CTNNA3: variants seen among roughly 807,000 people sequenced by gnomAD.
CTNNA3 encodes catenin alpha 3.
In CTNNA3, 76 loss-of-function variants were observed where a neutral mutation model predicts 95.7. That is an observed-to-expected ratio of 0.79 (90% confidence interval 0.66 to 0.96). CTNNA3 has a LOEUF of 0.96. CTNNA3 is among the 40% of genes least tolerant of loss of function. The pLI, the probability that CTNNA3 is intolerant of heterozygous loss-of-function variation, is 0.00. For missense variants in CTNNA3, 1,191 were observed against 1,089.8 expected, an observed-to-expected ratio of 1.09 and a Z score of -1.31; for synonymous variants, 431 against 374.4, an observed-to-expected ratio of 1.15 and a Z score of -1.74.
At chr10:67,552,609 C>T (rs1841073084) in intron 3 of CTNNA3, among the ~76,000 whole-genome samples, 1 of 151,852 alleles carries the variant, frequency 6.6e-6, no homozygotes, top group African/African-American at 2.4e-5. Flanking sequence ...ATAGATCATC[C>T]CATCACCTAA....
intron 10 of CTNNA3, among the ~76,000 whole-genome samples, chr10:66,585,356 C>T (rs1466991539): frequency 6.6e-6 from 1 of 151,970 alleles, no homozygotes; most frequent in Non-Finnish European, 1.5e-5. Context: ...ATATAATCCA[C>T]ATATTTCTTG....
At position 67,306,393 on chromosome 10, in the gene CTNNA3, A is replaced by G. The variant is rs148188521; in HGVS notation, c.580-86523T>C. Among the ~76,000 whole-genome samples the G allele has an allele frequency of 2.9e-3, 442 of 152,338 alleles. 1 individual carries two copies. The highest frequency in any genetic ancestry group is 5.3e-3 in the Non-Finnish European group (359 of 68,022). On this transcript the variant is annotated intron_variant, in intron 5 of 17. Coordinates refer to ENST00000433211, the MANE Select transcript of CTNNA3 (RefSeq NM_013266.4). Reference sequence around the variant, plus strand: ...TCCCAAAAGCATGAACAATATTCCAATAAAGTTATGCAAGTTGCAAGATAG... The same window carrying G: ...TCCCAAAAGCATGAACAATATTCCAGTAAAGTTATGCAAGTTGCAAGATAG...
intron 11 of CTNNA3, among the ~76,000 whole-genome samples, chr10:66,392,937 C>T (rs2092945245): frequency 6.6e-6 from 1 of 151,942 alleles, no homozygotes; most frequent in Admixed American, 6.6e-5. Flanking sequence ...TCACACAAAA[C>T]CTGCACATGT....
chr10:67,557,353 G>C (rs1216203944), intron 3 of CTNNA3, among the ~76,000 whole-genome samples: 3 of 152,168 alleles, frequency 2.0e-5, no homozygotes, highest in African/African-American at 7.2e-5. Flanking sequence ...AGAAAGGATA[G>C]ATGAATCTGA....
intron 5 of CTNNA3, among the ~76,000 whole-genome samples, chr10:67,452,319 C>T (rs778155091): frequency 3.0e-4 from 46 of 151,946 alleles, no homozygotes; most frequent in Non-Finnish European, 5.9e-4. Context: ...TATTATGAGA[C>T]TCAATTAACT....
chr10:66,246,053 C>T (rs2090309063), intron 13 of CTNNA3, among the ~76,000 whole-genome samples: 1 of 152,216 alleles, frequency 6.6e-6, no homozygotes, highest in African/African-American at 2.4e-5. Flanking sequence ...TTCAGGCCCT[C>T]TATGGCCCAA....
At chr10:67,020,830 C>G (rs2133072195) in intron 7 of CTNNA3, among the ~76,000 whole-genome samples, 1 of 152,176 alleles carries the variant, frequency 6.6e-6, no homozygotes, top group South Asian at 2.1e-4. Flanking sequence ...AGGGTTGGAA[C>G]AGAGGGGCTT....
intron 7 of CTNNA3, among the ~76,000 whole-genome samples, chr10:67,167,420 A>G (rs1303631578): frequency 1.3e-5 from 2 of 152,190 alleles, no homozygotes; most frequent in Non-Finnish European, 2.9e-5. Context: ...AATGTCTCAA[A>G]GTTGAGCACT....
intron 1 of CTNNA3, among the ~76,000 whole-genome samples, chr10:67,761,959 G>C (rs1841463813): frequency 6.6e-6 from 1 of 151,638 alleles, no homozygotes; most frequent in Non-Finnish European, 1.5e-5. Context: ...ACTGAAATTT[G>C]CATATGGTTG....
chr10:67,685,363 T>A (rs1299743703), intron 1 of CTNNA3, among the ~76,000 whole-genome samples: 1 of 152,226 alleles, frequency 6.6e-6, no homozygotes, highest in African/African-American at 2.4e-5. Flanking sequence ...AGCAGACCAA[T>A]TATTAGGCAA....
intron 7 of CTNNA3, chr10:67,054,954 C>T (rs1212267578): frequency 6.6e-6 from 1 of 151,990 alleles, no homozygotes; most frequent in Non-Finnish European, 1.5e-5. Flanking sequence ...ATGCCAACCC[C>T]CTTAGTTTAT....
intron 7 of CTNNA3, among the ~76,000 whole-genome samples, chr10:66,901,959 G>C (rs1845764851): frequency 6.6e-6 from 1 of 152,134 alleles, no homozygotes; most frequent in Admixed American, 6.5e-5. Flanking sequence ...GTCAATATTA[G>C]ACAGATCAAT....
intron 7 of CTNNA3, among the ~76,000 whole-genome samples, chr10:66,957,245 T>C (rs1197995978): frequency 1.3e-5 from 2 of 152,016 alleles, no homozygotes; most frequent in East Asian, 3.9e-4. Flanking sequence ...AGAAGTGAGA[T>C]GTAATCTTTT....
chr10:66,068,997 T>C (rs950971126), intron 15 of CTNNA3, among the ~76,000 whole-genome samples: 1 of 152,152 alleles, frequency 6.6e-6, no homozygotes, highest in Non-Finnish European at 1.5e-5. Flanking sequence ...AGCGAATCAC[T>C]TGGTTTACCA....
chr10:67,243,369 A>G (rs1199043705), intron 5 of CTNNA3, among the ~76,000 whole-genome samples: 4 of 152,136 alleles, frequency 2.6e-5, no homozygotes, highest in Non-Finnish European at 5.9e-5. Flanking sequence ...ACTAGTCTAG[A>G]GGAGAAATAA....
At position 66,249,658 on chromosome 10, in the gene CTNNA3, G is replaced by C. The variant is rs182000573; in HGVS notation, c.1884+30812C>G. ...ATGCTAATGAGGATGTGGAGAAAAG[G>C]GAACTTTTGTACACTGTTGGTGGGG... On this transcript the variant is annotated intron_variant, in intron 13 of 17. Transcript: ENST00000433211. 2.6e-3 allele frequency among the ~76,000 whole-genome samples: 389 copies of C among 152,194 alleles called. 2 individuals are homozygous for C. Among genetic ancestry groups the C allele is most frequent in the Non-Finnish European group, 4.1e-3 (276 of 68,012 alleles).
In CTNNA3 at chr10:66,845,708, A is replaced by AAAAAAAAAAAAC. The variant is rs1564719736; in HGVS notation, c.1048-70185_1048-70184insGTTTTTTTTTTT. Among the ~76,000 whole-genome samples the AAAAAAAAAAAAC allele has an allele frequency of 3.2e-4, 25 of 77,322 alleles. 1 individual carries two copies. Among genetic ancestry groups the AAAAAAAAAAAAC allele is most frequent in the Non-Finnish European group, 5.7e-4 (24 of 42,306 alleles). 50.7% of individuals were successfully genotyped at this position (77,322 alleles called of 152,430 possible). On this transcript the variant is annotated intron_variant, in intron 7 of 17. Coordinates refer to ENST00000433211, the MANE Select transcript of CTNNA3 (RefSeq NM_013266.4). ...ACAACAGCAAAACTCTGTCTCAAAA[A>AAAAAAAAAAAAC]AAAAAAAAAAAAAAAAAAAAACTAA... is the stretch of plus-strand genomic sequence containing the variant.
rs183336605 is a variant in CTNNA3, at chr10:66,620,825, A to G, written c.1374+867T>C. On this transcript the variant is annotated intron_variant, in intron 10 of 17. Transcript: ENST00000433211. ...CAGCAAGGCAAATCAATAATTTAACACATGCCCTACTTTTTGTAGACTGAG... is the reference window on the plus strand; with the variant it reads ...CAGCAAGGCAAATCAATAATTTAACGCATGCCCTACTTTTTGTAGACTGAG... Among the ~76,000 whole-genome samples, 564 of 152,250 alleles carry G rather than the reference A, an allele frequency of 3.7e-3. 4 individuals carry two copies. The highest frequency in any genetic ancestry group is 0.013 in the African/African-American group (549 of 41,534).
chr10:66,846,467 C>CCACA (rs34923400), intron 7 of CTNNA3, among the ~76,000 whole-genome samples: 23 of 147,716 alleles, frequency 1.6e-4, no homozygotes, highest in East Asian at 1.2e-3. Context: ...AATGTTCTCA[C>CCACA]CACACACACA....
Sources: gnomAD v4.1 joint callset for allele counts (sites outside exome capture counted in the v4.1 genomes callset) on GRCh38, gnomAD v4.1.1 for gene constraint, MANE v1.5 for transcripts, NCBI Gene and HGNC (gene_info 2026-07-23, HGNC 2026-07-21) for gene names.